The following UMAD1 variants were observed in gnomAD, a reference collection of about 807,000 sequenced individuals.
UMAD1 encodes UBAP1-MVB12-associated (UMA) domain containing 1.
A neutral mutation model predicts 6.1 loss-of-function variants in UMAD1; 8 were observed. The ratio of observed to expected loss-of-function variants is 1.30; its 90% CI spans 0.76 to 2.35. UMAD1 has a LOEUF of 2.35. Ranked by LOEUF, UMAD1 falls within the 30% of genes most tolerant of loss-of-function variation. UMAD1 has a pLI of 0.00. For synonymous variants in UMAD1, 56 were observed against 31.4 expected, an observed-to-expected ratio of 1.78 and a Z score of -2.61; for missense variants, 130 against 78.4, an observed-to-expected ratio of 1.66 and a Z score of -2.49.
At chr7:7,678,488 A>T (rs891820821) in intron 2 of UMAD1, among the ~76,000 whole-genome samples, 6 of 141,544 alleles carry the variant, frequency 4.2e-5, no homozygotes, top group Non-Finnish European at 9.1e-5. Flanking sequence ...TAATTTATAG[A>T]TAATATATAT....
At chr7:7,778,184 G>C (rs1023656139) in intron 2 of UMAD1, among the ~76,000 whole-genome samples, 1 of 151,532 alleles carries the variant, frequency 6.6e-6, no homozygotes, top group African/African-American at 2.4e-5. Context: ...CTTCTACACA[G>C]TGAGCCAACC....
intron 2 of UMAD1, among the ~76,000 whole-genome samples, chr7:7,681,089 AT>A (rs375023357): frequency 6.6e-6 from 1 of 152,342 alleles, no homozygotes; most frequent in Non-Finnish European, 1.5e-5. Context: ...GTAAAAACTT[AT>A]AAACATGATT....
chr7:7,647,129 T>G (rs1785116696), intron 1 of UMAD1, among the ~76,000 whole-genome samples: 1 of 152,238 alleles, frequency 6.6e-6, no homozygotes, highest in African/African-American at 2.4e-5. Flanking sequence ...TAAAACCTTT[T>G]AGATCACTAT....
chr7:7,826,852 C>G (rs1783351755), intron 3 of UMAD1, among the ~76,000 whole-genome samples: 1 of 152,108 alleles, frequency 6.6e-6, no homozygotes, highest in Non-Finnish European at 1.5e-5. Flanking sequence ...GAAACGTCCA[C>G]CAATACACAA....
intron 3 of UMAD1, among the ~76,000 whole-genome samples, chr7:7,829,371 T>G (rs1213360679): frequency 3.3e-5 from 5 of 152,210 alleles, no homozygotes; most frequent in African/African-American, 1.2e-4. Flanking sequence ...TTGAATTTAT[T>G]CATTCAGCAT....
At chr7:7,659,163 T>C (rs1481626182) in intron 1 of UMAD1, among the ~76,000 whole-genome samples, 1 of 152,174 alleles carries the variant, frequency 6.6e-6, no homozygotes, top group African/African-American at 2.4e-5. Context: ...CCCTTTATCA[T>C]TTTTTATTGC....
chr7:7,756,699 C>G (rs1781785766), intron 2 of UMAD1, among the ~76,000 whole-genome samples: 1 of 152,202 alleles, frequency 6.6e-6, no homozygotes, highest in Admixed American at 6.5e-5. Context: ...CAATCTGTTT[C>G]CCGTTTGGTT....
At chr7:7,733,102 CAA>C (rs1781289673) in intron 2 of UMAD1, among the ~76,000 whole-genome samples, 1 of 152,104 alleles carries the variant, frequency 6.6e-6, no homozygotes, top group Non-Finnish European at 1.5e-5. Context: ...TTTTTGTGGA[CAA>C]AGAGTGTTGT....
chr7:7,685,006 T>G (rs1780008299), intron 2 of UMAD1, among the ~76,000 whole-genome samples: 1 of 152,186 alleles, frequency 6.6e-6, no homozygotes, highest in Non-Finnish European at 1.5e-5. Context: ...ACTTCACATT[T>G]TGTCAGATTT....
chr7:7,717,493 T>C (rs1165722657), intron 2 of UMAD1, among the ~76,000 whole-genome samples: 2 of 152,228 alleles, frequency 1.3e-5, no homozygotes, highest in Non-Finnish European at 2.9e-5. Context: ...AGTATTTACT[T>C]TATTAAATGA....
chr7:7,682,145 C>T (rs932870056), intron 2 of UMAD1, among the ~76,000 whole-genome samples: 1 of 152,114 alleles, frequency 6.6e-6, no homozygotes, highest in Non-Finnish European at 1.5e-5. Flanking sequence ...TCAGAATATG[C>T]AGGTGCTTCT....
Position 7,827,471 on chromosome 7 carries a change from A to C in UMAD1, c.156+25728A>C, listed in dbSNP as rs544576883. Among the ~76,000 whole-genome samples, 12 of 152,226 alleles carry C rather than the reference A, an allele frequency of 7.9e-5. No individual in the cohort carries two copies. In the East Asian group the frequency reaches 9.6e-4, roughly 12 times the overall value. On this transcript the variant is annotated intron_variant, in intron 3 of 3. Coordinates refer to ENST00000682710, the MANE Select transcript of UMAD1 (RefSeq NM_001302348.2). ...ATATATTCTTTAAAATATTTTTAGT[A>C]TTTTAAAATATTATTTATCCACAGT...
At chr7:7,742,700 C>T (rs1347929477) in intron 2 of UMAD1, 1 of 229,048 alleles carries the variant, frequency 4.4e-6, no homozygotes, top group African/African-American at 2.4e-5. Context: ...AATAATCAAA[C>T]ATTTGAAATT....
At chr7:7,763,478 A>G (rs35881703) in intron 2 of UMAD1, among the ~76,000 whole-genome samples, 12,152 of 152,224 alleles carry the variant, frequency 0.08, 640 homozygotes, top group Middle Eastern at 0.13. Context: ...TGTGTGCTCA[A>G]TGTTTAGCTC....
chr7:7,787,969 AT>A (rs1782491119), intron 2 of UMAD1, among the ~76,000 whole-genome samples: 1 of 152,090 alleles, frequency 6.6e-6, no homozygotes, highest in Admixed American at 6.6e-5. Context: ...AGAAACTTAA[AT>A]TTTTCTGAGA....
At chr7:7,708,184 CA>C (rs1780654268) in intron 2 of UMAD1, among the ~76,000 whole-genome samples, 1 of 152,162 alleles carries the variant, frequency 6.6e-6, no homozygotes, top group Non-Finnish European at 1.5e-5. Flanking sequence ...CATATTCAAA[CA>C]CAACAGCTTC....
At chr7:7,858,207 C>T (rs1410506003) in intron 3 of UMAD1, among the ~76,000 whole-genome samples, 1 of 152,126 alleles carries the variant, frequency 6.6e-6, no homozygotes, top group Non-Finnish European at 1.5e-5. Context: ...GGCACACTAT[C>T]GGAAGCTTAA....
chr7:7,709,225 G>T (rs537418623), intron 2 of UMAD1, among the ~76,000 whole-genome samples: 4 of 152,228 alleles, frequency 2.6e-5, no homozygotes, highest in Admixed American at 1.3e-4. Context: ...TCAATTATAT[G>T]TGTGAATAAT....
chr7:7,681,644 C>T lies in UMAD1; in HGVS notation c.82+8191C>T, dbSNP rs533427172. Among the ~76,000 whole-genome samples the T allele has an allele frequency of 7.9e-5, 12 of 152,164 alleles. No homozygotes were observed. The South Asian group carries it at 2.5e-3, about 32-fold the overall frequency. ...AATCCTCCAGGGTACTCATTTTACA[C>T]AAAAACAAATTGCAGTTTTCATTTG... On this transcript the variant is annotated intron_variant, in intron 2 of 3. Transcript: ENST00000682710.
Sources: allele counts gnomAD v4.1 joint callset (sites outside exome capture counted in the v4.1 genomes callset), GRCh38; gene constraint gnomAD v4.1.1; transcripts MANE v1.5; gene names NCBI Gene and HGNC (gene_info 2026-07-23, HGNC 2026-07-21).